Variants in LSM12 observed in about 807,000 individuals in gnomAD.
The protein encoded by LSM12 is protein LSM12.
For missense variants in LSM12, 108 were observed against 238.9 expected, an observed-to-expected ratio of 0.45 and a Z score of 3.61; for synonymous variants, 74 against 87.3, an observed-to-expected ratio of 0.85 and a Z score of 0.85.
intron 2 of LSM12, among the ~76,000 whole-genome samples, chr17:44,054,037 ACT>A (rs1266885965): frequency 1.3e-5 from 2 of 151,976 alleles, no homozygotes; most frequent in Non-Finnish European, 2.9e-5. Context: ...CTATGGCACA[ACT>A]CTGCCAGACT....
intron 2 of LSM12, among the ~76,000 whole-genome samples, chr17:44,061,089 G>A (rs985437000): frequency 7.2e-5 from 11 of 152,068 alleles, no homozygotes; most frequent in Non-Finnish European, 1.3e-4. Flanking sequence ...AGGCTGAGGC[G>A]GGCGGATCAC....
chr17:44,044,283 T>A (rs2049533134), intron 2 of LSM12, among the ~76,000 whole-genome samples: 1 of 152,188 alleles, frequency 6.6e-6, no homozygotes, highest in Admixed American at 6.5e-5. Flanking sequence ...AGTGATTCTT[T>A]AGACAGGCTG....
upstream of LSM12, chr17:44,066,723 G>A: frequency 1.8e-6 from 2 of 1,141,488 alleles, no homozygotes; most frequent in Non-Finnish European, 2.2e-6. Context: ...GGCGCTGGTT[G>A]GGGCGGGATC....
chr17:44,059,515 C>T (rs1191761328), intron 2 of LSM12, among the ~76,000 whole-genome samples: 2 of 151,750 alleles, frequency 1.3e-5, no homozygotes, highest in African/African-American at 4.8e-5. Flanking sequence ...TCGCTTGAAC[C>T]GAGATCACAC....
Position 44,066,650 on chromosome 17 carries a change from G to A in LSM12, c.-63C>T. 4 of 1,277,952 alleles carry A rather than the reference G, an allele frequency of 3.1e-6. No individual in the cohort carries two copies. The South Asian group carries it at 8.7e-5, about 28-fold the overall frequency. The allele number at this position is 1,277,952 out of a possible 1,614,324, so 79.2% of individuals were successfully genotyped here. A position where few individuals can be genotyped will look rare whatever the true frequency, so the allele number is the denominator to read the frequency against. ...GCAGCGGGCGAAAGCCGGGCCCCCA[G>A]TGAGCGCCGCGACGCGACGGCGCGC... On this transcript the variant is annotated 5_prime_UTR_variant, in exon 1 of 5. Transcript: ENST00000293406.
intron 2 of LSM12, among the ~76,000 whole-genome samples, chr17:44,055,824 A>G: frequency 6.6e-6 from 1 of 150,680 alleles, no homozygotes; most frequent in East Asian, 1.9e-4. Flanking sequence ...CCACAATGCA[A>G]TAATTATCAT....
At chr17:44,049,107 C>G (rs1051176516) in intron 2 of LSM12, among the ~76,000 whole-genome samples, 4 of 152,170 alleles carry the variant, frequency 2.6e-5, no homozygotes, top group Non-Finnish European at 5.9e-5. Flanking sequence ...AGGACAATCA[C>G]TTGAACCCGG....
rs372224423 is a variant in LSM12, at chr17:44,040,846, G to T, written c.259-590C>A. ...AAAAAAAAAAAAAAATTAGCCAGGCGTGGTGGCGGGCTCCTGTAATCCCAG... is the reference window on the plus strand; with the variant it reads ...AAAAAAAAAAAAAAATTAGCCAGGCTTGGTGGCGGGCTCCTGTAATCCCAG... On this transcript the variant is annotated intron_variant, in intron 2 of 4. Coordinates refer to ENST00000293406, the MANE Select transcript of LSM12 (RefSeq NM_001371445.1). Among the ~76,000 whole-genome samples the T allele has an allele frequency of 1.8e-3, 279 of 151,414 alleles. No individual in the cohort carries two copies. The South Asian group carries it at 0.024, about 13-fold the overall frequency.
chr17:44,054,837 C>CT (rs971642524), intron 2 of LSM12, among the ~76,000 whole-genome samples: 100 of 142,582 alleles, frequency 7.0e-4, no homozygotes, highest in South Asian at 3.6e-3. Flanking sequence ...TTTTCTTTTT[C>CT]TTTTTTTTTT....
At position 44,066,630 on chromosome 17, in the gene LSM12, G is replaced by T; in HGVS notation, c.-43C>A. ...GGCCGGCGGCGGCGGCGGCAGCAGC[G>T]GGCGAAAGCCGGGCCCCCAGTGAGC... is the stretch of plus-strand genomic sequence containing the variant. On this transcript the variant is annotated 5_prime_UTR_variant, in exon 1 of 5. Transcript: ENST00000293406. 7 of 1,307,980 alleles carry T rather than the reference G, an allele frequency of 5.4e-6. No individual in the cohort carries two copies. Among genetic ancestry groups the T allele is most frequent in the Non-Finnish European group, 5.9e-6 (6 of 1,025,188 alleles). The allele number at this position is 1,307,980 out of a possible 1,614,324, so 81.0% of individuals were successfully genotyped here.
chr17:44,037,771 C>T (rs1327972439), intron 3 of LSM12, among the ~76,000 whole-genome samples: 1 of 152,174 alleles, frequency 6.6e-6, no homozygotes, highest in African/African-American at 2.4e-5. Context: ...GAAATTGTTA[C>T]TCTGAAGCAT....
chr17:44,052,424 C>T (rs1030744074), intron 2 of LSM12, among the ~76,000 whole-genome samples: 3 of 152,058 alleles, frequency 2.0e-5, no homozygotes, highest in Non-Finnish European at 4.4e-5. Flanking sequence ...GTCAAGGCTG[C>T]TGCAAGCAGA....
chr17:44,058,965 T>C (rs2049758730), intron 2 of LSM12, among the ~76,000 whole-genome samples: 1 of 151,272 alleles, frequency 6.6e-6, no homozygotes, highest in Admixed American at 6.6e-5. Flanking sequence ...ACTGCATCAT[T>C]TGCACTCCAG....
chr17:44,039,945 A>G (rs559056005), intron 3 of LSM12, among the ~76,000 whole-genome samples: 14 of 152,344 alleles, frequency 9.2e-5, no homozygotes, highest in African/African-American at 3.1e-4. Flanking sequence ...ACCAGAGAAG[A>G]CAACTTGTCC....
chr17:44,037,260 C>T (rs2049428460), intron 4 of LSM12, 152 bp downstream of exon 4: 1 of 882,204 alleles, frequency 1.1e-6, no homozygotes, highest in Non-Finnish European at 1.6e-6. Flanking sequence ...GACTGCAGAA[C>T]CCCACAGTAC....
intron 3 of LSM12, 102 bp downstream of exon 3, chr17:44,040,045 C>A: frequency 1.3e-6 from 1 of 799,376 alleles, no homozygotes; most frequent in East Asian, 2.7e-5. Context: ...CCCAGCTTCC[C>A]CAGTAGACTT....
intron 2 of LSM12, among the ~76,000 whole-genome samples, chr17:44,044,518 A>AT (rs1449384306): frequency 6.6e-6 from 1 of 152,232 alleles, no homozygotes; most frequent in Non-Finnish European, 1.5e-5. Context: ...CTGACTGTAT[A>AT]TATTTTCAGT....
chr17:44,063,791 G>T lies in LSM12; in HGVS notation c.258+10C>A. ...ATTTTAGAGAGCCAGATCTGCCCTT[G>T]AGTCCTTACCTTACTAACATTGAGT... On this transcript the variant is annotated intron_variant, in intron 2 of 4. Transcript: ENST00000293406. 3 of 1,611,340 alleles carry T rather than the reference G, an allele frequency of 1.9e-6. No individual in the cohort carries two copies. Among genetic ancestry groups the T allele is most frequent in the Non-Finnish European group, 2.5e-6 (3 of 1,178,738 alleles).
At chr17:44,058,818 G>C (rs1032722153) in intron 2 of LSM12, among the ~76,000 whole-genome samples, 4 of 151,776 alleles carry the variant, frequency 2.6e-5, no homozygotes, top group African/African-American at 9.7e-5. Flanking sequence ...CTGGGCAACA[G>C]GGCAAGACTC....
Sources: gnomAD v4.1 joint callset for allele counts (sites outside exome capture counted in the v4.1 genomes callset) on GRCh38, gnomAD v4.1.1 for gene constraint, MANE v1.5 for transcripts, NCBI Gene and HGNC (gene_info 2026-07-23, HGNC 2026-07-21) for gene names.